The following BMPR2 variants were observed in gnomAD, a reference collection of about 807,000 sequenced individuals.
BMPR2 encodes the protein bone morphogenetic protein receptor type-2.
BMPR2 carries 29 observed loss-of-function variants against 100.8 expected under a neutral mutation model. That is an observed-to-expected ratio of 0.29 (90% confidence interval 0.21 to 0.39). BMPR2 has a LOEUF of 0.39. Among genes scored for constraint, BMPR2 ranks in the 10% least tolerant of loss-of-function variants. The pLI is 1.00. For missense variants in BMPR2, 1,011 were observed against 1,274.5 expected (o/e 0.79, Z 3.15); for synonymous variants, 382 against 442.3 (o/e 0.86, Z 1.71).
chr2:202,540,944 T>C (rs1189196896), intron 9 of BMPR2, among the ~76,000 whole-genome samples: 1 of 152,172 alleles, frequency 6.6e-6, no homozygotes, highest in Non-Finnish European at 1.5e-5. Context: ...TTCTACTAGA[T>C]CATTGAGTGT....
intron 12 of BMPR2, among the ~76,000 whole-genome samples, chr2:202,558,387 C>T (rs1276332603): frequency 5.3e-5 from 8 of 152,028 alleles, no homozygotes; most frequent in African/African-American, 1.9e-4. Flanking sequence ...GCTGGCATTA[C>T]AGGCGTGAAC....
intron 3 of BMPR2, among the ~76,000 whole-genome samples, chr2:202,500,983 C>T (rs1199054624): frequency 1.3e-5 from 2 of 152,088 alleles, no homozygotes; most frequent in African/African-American, 4.8e-5. Flanking sequence ...AGGCACTGGC[C>T]CAAGATCTAA....
At chr2:202,534,825 C>A (rs540390072) in intron 9 of BMPR2, among the ~76,000 whole-genome samples, 89 of 151,852 alleles carry the variant, frequency 5.9e-4, no homozygotes, top group African/African-American at 2.1e-3. Flanking sequence ...CCTCACCTCC[C>A]GGACGGGGCG....
intron 7 of BMPR2, among the ~76,000 whole-genome samples, chr2:202,521,564 G>GA (rs113086736): frequency 1.2e-3 from 164 of 135,588 alleles, no homozygotes; most frequent in Middle Eastern, 3.6e-3. Flanking sequence ...GACTGTCTCA[G>GA]AAAAAAAAAA....
chr2:202,422,439 T>G (rs1237594893), intron 1 of BMPR2, among the ~76,000 whole-genome samples: 3 of 151,852 alleles, frequency 2.0e-5, no homozygotes. Flanking sequence ...CCCGAGTAGC[T>G]GGGACTACAG....
chr2:202,476,441 C>T (rs761154631), intron 3 of BMPR2, among the ~76,000 whole-genome samples: 11 of 152,142 alleles, frequency 7.2e-5, no homozygotes, highest in Admixed American at 1.3e-4. Context: ...ATTTAAAATA[C>T]ATTCAAAACC....
At chr2:202,546,759 A>G (rs886884142) in intron 10 of BMPR2, among the ~76,000 whole-genome samples, 2 of 152,086 alleles carry the variant, frequency 1.3e-5, no homozygotes, top group South Asian at 2.1e-4. Flanking sequence ...ACGTGCCACC[A>G]TGCCTGACTA....
intron 1 of BMPR2, among the ~76,000 whole-genome samples, chr2:202,433,144 G>C (rs916112582): frequency 2.7e-5 from 4 of 150,544 alleles, no homozygotes; most frequent in African/African-American, 1.0e-4. Flanking sequence ...GCTAGATCTA[G>C]AGGCAAGCAT....
Position 202,530,819 on chromosome 2 carries a change from T to C in BMPR2, c.993T>C (p.His331=). The change falls in exon 8 of 13, where the codon CAT becomes CAC. Residue 331 remains histidine (H), a synonymous_variant. Transcript: ENST00000374580. ...RGDHYKPAIS[H]RDLNSRNVLV... Reference sequence around the variant, plus strand: ...ATCATTATAAACCTGCAATTTCCCATCGAGATTTAAACAGCAGAAATGTCC... The same window carrying C: ...ATCATTATAAACCTGCAATTTCCCACCGAGATTTAAACAGCAGAAATGTCC... 6.2e-7 allele frequency: 1 copy of C among 1,613,384 alleles called. No individual in the cohort carries two copies. Among genetic ancestry groups the C allele is most frequent in the Non-Finnish European group, 8.5e-7 (1 of 1,179,420 alleles).
chr2:202,384,510 G>A (rs1427668288), intron 1 of BMPR2, among the ~76,000 whole-genome samples: 1 of 130,232 alleles, frequency 7.7e-6, no homozygotes, highest in African/African-American at 3.1e-5. Flanking sequence ...AGAAATTTCA[G>A]TTTCTTTCTT....
chr2:202,412,389 G>T (rs548122378), intron 1 of BMPR2, among the ~76,000 whole-genome samples: 17 of 152,248 alleles, frequency 1.1e-4, no homozygotes, highest in African/African-American at 4.1e-4. Context: ...CGCAATCTCG[G>T]CTCACTGCAA....
intron 3 of BMPR2, among the ~76,000 whole-genome samples, chr2:202,486,728 G>C (rs1692786738): frequency 6.6e-6 from 1 of 152,020 alleles, no homozygotes; most frequent in Non-Finnish European, 1.5e-5. Context: ...ATTCTACTTA[G>C]AATAAAGAAC....
chr2:202,480,953 T>TA (rs71035011), intron 3 of BMPR2, among the ~76,000 whole-genome samples: 9,986 of 43,270 alleles, frequency 0.23, 1,924 homozygotes, highest in Middle Eastern at 0.31. Flanking sequence ...AGACTCCGTC[T>TA]AAAAAAAAAA....
chr2:202,535,428 G>A (rs1359264146), intron 9 of BMPR2, among the ~76,000 whole-genome samples: 4 of 149,466 alleles, frequency 2.7e-5, no homozygotes, highest in Non-Finnish European at 4.5e-5. Flanking sequence ...GGGCAGAGGC[G>A]CTCCTCACAT....
chr2:202,472,980 A>G (rs1018762857), intron 3 of BMPR2, among the ~76,000 whole-genome samples: 5 of 152,222 alleles, frequency 3.3e-5, no homozygotes, highest in African/African-American at 1.2e-4. Context: ...AACTACTGTA[A>G]TATCAAATGT....
At chr2:202,402,191 A>G (rs1690779699) in intron 1 of BMPR2, among the ~76,000 whole-genome samples, 2 of 152,108 alleles carry the variant, frequency 1.3e-5, no homozygotes, top group Non-Finnish European at 2.9e-5. Flanking sequence ...TTATGTATTT[A>G]TTGTGTCAAA....
intron 1 of BMPR2, among the ~76,000 whole-genome samples, chr2:202,456,229 T>TG (rs1692099294): frequency 6.6e-6 from 1 of 151,686 alleles, no homozygotes; most frequent in South Asian, 2.1e-4. Context: ...TGGAGTGCAA[T>TG]GGCTCAATCT....
intron 3 of BMPR2, among the ~76,000 whole-genome samples, chr2:202,478,853 G>T (rs1692602480): frequency 6.6e-6 from 1 of 152,174 alleles, no homozygotes; most frequent in Non-Finnish European, 1.5e-5. Context: ...CTGAGCCCAG[G>T]AAGTCGAGGC....
chr2:202,565,426 G>A lies in BMPR2; in HGVS notation c.*5480G>A, dbSNP rs768027350. ...TAGTTTGATAGTTTGATAGAATCGA[G>A]AGTTAAGATGTTTCTATTTGAAAGT... On this transcript the variant is annotated 3_prime_UTR_variant, in exon 13 of 13. Transcript: ENST00000374580. The A allele has an allele frequency of 2.0e-5, 3 of 152,378 alleles. No homozygotes were observed. The highest frequency in any genetic ancestry group is 2.9e-5 in the Non-Finnish European group (2 of 67,996). The allele number at this position is 152,378 out of a possible 1,614,324, so 9.4% of individuals were successfully genotyped here.
Sources: gnomAD v4.1 joint callset for allele counts (sites outside exome capture counted in the v4.1 genomes callset) on GRCh38, gnomAD v4.1.1 for gene constraint, MANE v1.5 for transcripts, NCBI Gene and HGNC (gene_info 2026-07-23, HGNC 2026-07-21) for gene names.